The following SPATA24 variants were observed in gnomAD, a reference collection of about 807,000 sequenced individuals.
SPATA24 encodes the protein spermatogenesis-associated protein 24.
SPATA24 carries 21 observed loss-of-function variants against 28.9 expected under a neutral mutation model. The observed-to-expected ratio is 0.73, with a 90% CI of 0.52 to 1.05. The LOEUF is 1.05. Among genes scored for constraint, SPATA24 ranks in the 50% least tolerant of loss-of-function variants. The probability of loss-of-function intolerance (pLI) is 0.00; values close to 1 mark genes in which losing one functional copy is unlikely to be tolerated. For synonymous variants in SPATA24, 76 were observed against 89.9 expected (o/e 0.85, Z 0.88); for missense variants, 215 against 242.9 (o/e 0.88, Z 0.76).
chr5:139,401,634 G>T, intron 4 of SPATA24, 121 bp downstream of exon 4: 2 of 1,139,822 alleles, frequency 1.8e-6, no homozygotes, highest in Non-Finnish European at 2.6e-6. Flanking sequence ...ACCCGGGCCT[G>T]CCTGTATCCT....
At chr5:139,396,663 T>C (rs1174637092), downstream of SPATA24, 1 of 1,528,996 alleles carries the variant, frequency 6.5e-7, no homozygotes, top group South Asian at 1.2e-5. Flanking sequence ...TCCCCTAGGC[T>C]ACAAGCCCCC....
At chr5:139,395,179 C>G, downstream of SPATA24, 1 of 1,252,564 alleles carries the variant, frequency 8.0e-7, no homozygotes, top group Non-Finnish European at 1.0e-6. Flanking sequence ...TGGGGGTCAC[C>G]GCGCCTTAAA....
downstream of SPATA24, chr5:139,393,059 C>T (rs1333245230): frequency 7.8e-6 from 12 of 1,530,484 alleles, no homozygotes; most frequent in Non-Finnish European, 1.1e-5. Flanking sequence ...TGAGCCGGGG[C>T]GGGGGGCCCC....
chr5:139,401,152 C>CA (rs1413377693), intron 4 of SPATA24, among the ~76,000 whole-genome samples: 2 of 150,984 alleles, frequency 1.3e-5, no homozygotes, highest in Admixed American at 6.6e-5. Flanking sequence ...GACTCCATCT[C>CA]AAAAAAAATA....
downstream of SPATA24, chr5:139,393,865 C>A (rs867863709): frequency 7.1e-6 from 11 of 1,551,208 alleles, no homozygotes; most frequent in Non-Finnish European, 9.6e-6. Flanking sequence ...GCAGCGAGGA[C>A]CCCGTACAGC....
At chr5:139,393,930 C>A, downstream of SPATA24, 11 of 1,550,952 alleles carry the variant, frequency 7.1e-6, no homozygotes, top group Non-Finnish European at 9.6e-6. Context: ...CAGCCCTACT[C>A]GGAACCTCCG....
chr5:139,401,807 G>T lies in SPATA24; in HGVS notation c.333C>A (p.Ser111Arg). 1 of 1,551,464 alleles carries T rather than the reference G, an allele frequency of 6.4e-7. No individual in the cohort carries two copies. The highest frequency in any genetic ancestry group is 8.7e-7 in the Non-Finnish European group (1 of 1,146,802). Residue 111 changes from serine (S) to arginine (R), a missense_variant, in exon 4 of 6, where the codon AGC becomes AGA. Transcript: ENST00000450845. The stretch of plus-strand genomic sequence containing the variant: ...TCTTGCTGGACTCCTGAAGGACTTT[G>T]CTCTTGACACTGGAGAGCCTGGGTG... ...AFEKALSSVKSKVLQESSKKD... is the reference protein window; with the variant it reads ...AFEKALSSVKRKVLQESSKKD...
chr5:139,394,783 TG>T, downstream of SPATA24: 1 of 1,529,894 alleles, frequency 6.5e-7, no homozygotes. Flanking sequence ...CAGCTGGGGC[TG>T]GGGTGGCCGT....
downstream of SPATA24, chr5:139,393,128 G>C: frequency 6.5e-7 from 1 of 1,531,640 alleles, no homozygotes; most frequent in South Asian, 1.2e-5. Flanking sequence ...GGGTCGGCAG[G>C]AGGCGCAGGC....
chr5:139,393,177 G>T (rs753320442), downstream of SPATA24: 18 of 1,549,192 alleles, frequency 1.2e-5, no homozygotes, highest in South Asian at 2.4e-5. Flanking sequence ...AGCCTGGCGC[G>T]TACGTGGTCT....
downstream of SPATA24, chr5:139,394,767 C>T: frequency 6.5e-7 from 1 of 1,531,360 alleles, no homozygotes; most frequent in East Asian, 2.5e-5. Context: ...CCGACGGCAG[C>T]GTGCGCAGCT....
intron 4 of SPATA24, chr5:139,401,440 T>C: frequency 1.6e-6 from 1 of 607,174 alleles, no homozygotes; most frequent in South Asian, 2.0e-5. Context: ...GTGTTCCTCT[T>C]GTATCAGTTA....
downstream of SPATA24, chr5:139,394,421 T>C (rs985513181): frequency 2.2e-6 from 3 of 1,394,638 alleles, no homozygotes; most frequent in Non-Finnish European, 2.8e-6. Flanking sequence ...CCGGCCGCCC[T>C]TGGGGGACTC....
Position 139,403,975 on chromosome 5 carries a change from T to C in SPATA24, c.86A>G (p.Gln29Arg). The C allele has an allele frequency of 6.4e-7, 1 of 1,551,732 alleles. No individual in the cohort carries two copies. The highest frequency in any genetic ancestry group is 8.7e-7 in the Non-Finnish European group (1 of 1,146,936). Residue 29 changes from glutamine to arginine, a missense_variant, in exon 1 of 6, where the codon CAG (glutamine) becomes CGG (arginine). Transcript: ENST00000450845. ...CCTCAGCTGGTGGATTAGTTCCTCC[T>C]GAGACTCAATCACGTCCCGCAGTTG... ...LDQLRDVIES[Q>R]EELIHQLRNV...
chr5:139,394,625 C>A, downstream of SPATA24: 3 of 1,533,834 alleles, frequency 2.0e-6, no homozygotes, highest in Non-Finnish European at 2.6e-6. Context: ...CGTGGGACCG[C>A]GGCGGGAGAC....
chr5:139,396,214 G>A, downstream of SPATA24: 1 of 985,330 alleles, frequency 1.0e-6, no homozygotes, highest in South Asian at 4.7e-5. Context: ...ATCACCTAGG[G>A]GGCACTCGGT....
chr5:139,393,515 C>T (rs1310930379), downstream of SPATA24: 2 of 1,551,496 alleles, frequency 1.3e-6, no homozygotes, highest in Non-Finnish European at 1.7e-6. Context: ...CCCATGGGAT[C>T]CCATGTCTCT....
intron 4 of SPATA24, among the ~76,000 whole-genome samples, chr5:139,399,864 C>T (rs968187921): frequency 6.6e-6 from 1 of 152,160 alleles, no homozygotes; most frequent in Non-Finnish European, 1.5e-5. Flanking sequence ...TCCAAAGCCC[C>T]GTGAGCTTGA....
downstream of SPATA24, chr5:139,396,721 G>T (rs1222786160): frequency 6.5e-7 from 1 of 1,550,050 alleles, no homozygotes; most frequent in Non-Finnish European, 8.7e-7. Flanking sequence ...AGTAGCAGGG[G>T]CTAGAGGCTG....
Sources: gnomAD v4.1 joint callset for allele counts (sites outside exome capture counted in the v4.1 genomes callset) on GRCh38, gnomAD v4.1.1 for gene constraint, MANE v1.5 for transcripts, NCBI Gene and HGNC (gene_info 2026-07-23, HGNC 2026-07-21) for gene names.